MAML1: variants seen among roughly 807,000 people sequenced by gnomAD.
The protein encoded by MAML1 is mastermind like transcriptional coactivator 1, also known as mastermind-like protein 1.
In MAML1, 14 loss-of-function variants were observed where a neutral mutation model predicts 77.1. The observed-to-expected ratio is 0.18, with a 90% confidence interval of 0.12 to 0.28. MAML1 has a LOEUF of 0.28. Among genes scored for constraint, MAML1 ranks in the 10% least tolerant of loss-of-function variants. The probability of loss-of-function intolerance (pLI) is 1.00; values close to 1 mark genes in which losing one functional copy is unlikely to be tolerated. For missense variants in MAML1, 1,217 were observed against 1,327.8 expected, an observed-to-expected ratio of 0.92 and a Z score of 1.30; for synonymous variants, 516 against 551.9, an observed-to-expected ratio of 0.93 and a Z score of 0.91.
intron 1 of MAML1, among the ~76,000 whole-genome samples, chr5:179,747,808 C>CAAGA (rs1779409625): frequency 4.9e-5 from 2 of 40,894 alleles, no homozygotes; most frequent in South Asian, 1.6e-3. Flanking sequence ...GACTCCATCT[C>CAAGA]AAAAAAAAAA....
At position 179,774,542 on chromosome 5, in the gene MAML1, G is replaced by A. The variant is rs1756089850; in HGVS notation, c.2716G>A (p.Val906Met). The change falls in exon 5 of 5, where the codon GTG becomes ATG. Residue 906 changes from valine (V) to methionine (M), a missense_variant. Coordinates refer to ENST00000292599, the MANE Select transcript of MAML1 (RefSeq NM_014757.5). ...AAAVGSLLPP[V>M]SAQQRTSAPA... The stretch of plus-strand genomic sequence containing the variant: ...TGCCGTGGGGTCCTTGCTACCCCCA[G>A]TGAGTGCACAGCAGAGGACCAGCGC... 1 of 1,612,940 alleles carries A rather than the reference G, an allele frequency of 6.2e-7. No individual in the cohort carries two copies. Among genetic ancestry groups the A allele is most frequent in the Non-Finnish European group, 8.5e-7 (1 of 1,179,998 alleles).
intron 1 of MAML1, among the ~76,000 whole-genome samples, chr5:179,742,425 G>A (rs942937269): frequency 1.4e-4 from 21 of 151,928 alleles, no homozygotes; most frequent in African/African-American, 4.8e-4. Flanking sequence ...GGCACCGGAG[G>A]TTGCAGTGAG....
intron 1 of MAML1, among the ~76,000 whole-genome samples, chr5:179,735,875 A>G (rs1488488850): frequency 6.7e-6 from 1 of 150,266 alleles, no homozygotes; most frequent in African/African-American, 2.5e-5. Flanking sequence ...TTTAGTAGAG[A>G]CAGGGTTTCT....
At chr5:179,740,431 C>T (rs576969004) in intron 1 of MAML1, among the ~76,000 whole-genome samples, 11 of 152,174 alleles carry the variant, frequency 7.2e-5, no homozygotes, top group East Asian at 3.9e-4. Context: ...CCACCACACC[C>T]GGCTAATTTT....
rs1394149346 is a variant in MAML1, at chr5:179,766,914, A to G, written c.1731+173A>G. Among the ~76,000 whole-genome samples, 1 of 152,208 alleles carries G rather than the reference A, an allele frequency of 6.6e-6. No individual in the cohort carries two copies. ...AAATTTATAAAATAAACCAGGGTTG[A>G]TTGTTAATAAAAAATAGGGTAAAGT... On this transcript the variant is annotated intron_variant, in intron 2 of 4. Coordinates refer to ENST00000292599, the MANE Select transcript of MAML1 (RefSeq NM_014757.5). The surrounding 1 kb of genome is among the most constrained non-coding windows in gnomAD (Gnocchi z 4.0).
In MAML1 at chr5:179,765,388, A is replaced by G. The variant is rs1167953303; in HGVS notation, c.378A>G (p.Gln126=). 10 of 1,613,524 alleles carry G rather than the reference A, an allele frequency of 6.2e-6. No individual in the cohort carries two copies. The highest frequency in any genetic ancestry group is 1.7e-5 in the Admixed American group (1 of 59,820). ...CCACTTCCCCTCAGAATGGCGATCAACAGAATGGCTACGGGGACCTCTTTC... is the reference window on the plus strand; with the variant it reads ...CCACTTCCCCTCAGAATGGCGATCAGCAGAATGGCTACGGGGACCTCTTTC... ...DSATSPQNGD[Q]QNGYGDLFPG... Residue 126 remains glutamine, a synonymous_variant, in exon 2 of 5, where the codon CAA becomes CAG. Coordinates refer to ENST00000292599, the MANE Select transcript of MAML1 (RefSeq NM_014757.5).
chr5:179,776,637 C>T lies in MAML1; in HGVS notation c.*1760C>T. 2 of 985,710 alleles carry T rather than the reference C, an allele frequency of 2.0e-6. No individual in the cohort carries two copies. Among genetic ancestry groups the T allele is most frequent in the Non-Finnish European group, 2.4e-6 (2 of 829,960 alleles). 61.1% of individuals were successfully genotyped at this position (985,710 alleles called of 1,614,324 possible). ...AGAGGGTGACCTCAGCGGCTTTTCT[C>T]CCAAAAATCGGCTGAAGGCTGGTTG... On this transcript the variant is annotated 3_prime_UTR_variant, in exon 5 of 5. Coordinates refer to ENST00000292599, the MANE Select transcript of MAML1 (RefSeq NM_014757.5).
chr5:179,773,071 G>A (rs551891165), intron 4 of MAML1, among the ~76,000 whole-genome samples: 16 of 152,328 alleles, frequency 1.1e-4, no homozygotes, highest in South Asian at 4.1e-4. Flanking sequence ...TTTTAGTAGA[G>A]ACAGGGTTTC....
intron 1 of MAML1, among the ~76,000 whole-genome samples, chr5:179,734,028 G>T (rs180735299): frequency 3.2e-3 from 492 of 152,318 alleles, no homozygotes; most frequent in Non-Finnish European, 5.1e-3. Context: ...CTGCAATATT[G>T]TTGACAATTC....
rs1013993660 is a variant in MAML1 at position 179,776,731 on chromosome 5, G to A, written c.*1854G>A. 3.9e-5 allele frequency: 38 copies of A among 985,916 alleles called. No individual in the cohort carries two copies. The highest frequency in any genetic ancestry group is 1.6e-4 in the African/African-American group (9 of 57,368). 61.1% of individuals were successfully genotyped at this position (985,916 alleles called of 1,614,324 possible). ...TCTCCCACCCCTGTCCCCGGGGCTC[G>A]CTGGCCCTGCACTCCGCCTTAGTCC... On this transcript the variant is annotated 3_prime_UTR_variant, in exon 5 of 5. Coordinates refer to ENST00000292599, the MANE Select transcript of MAML1 (RefSeq NM_014757.5).
intron 1 of MAML1, among the ~76,000 whole-genome samples, chr5:179,740,667 GCT>G (rs892268132): frequency 6.6e-6 from 1 of 152,074 alleles, no homozygotes; most frequent in African/African-American, 2.4e-5. Flanking sequence ...AGCTTTTGTA[GCT>G]CTCTAGATGC....
chr5:179,765,233 C>A, intron 1 of MAML1, 93 bp from the exon 2 acceptor site: 1 of 1,078,988 alleles, frequency 9.3e-7, no homozygotes, highest in Non-Finnish European at 1.4e-6. Context: ...AACCCACTGG[C>A]GAGCATTGCA....
chr5:179,762,341 C>T (rs1295093418), intron 1 of MAML1, among the ~76,000 whole-genome samples: 1 of 152,086 alleles, frequency 6.6e-6, no homozygotes, highest in East Asian at 1.9e-4. Flanking sequence ...TATCCTGGAG[C>T]TCCTCTCCCA....
At chr5:179,757,790 G>A (rs930942872) in intron 1 of MAML1, among the ~76,000 whole-genome samples, 5 of 152,160 alleles carry the variant, frequency 3.3e-5, no homozygotes, top group Admixed American at 3.3e-4. Flanking sequence ...TGCCTGCCAA[G>A]CACAAGAATC....
At chr5:179,758,191 C>T (rs960744540) in intron 1 of MAML1, among the ~76,000 whole-genome samples, 1 of 152,186 alleles carries the variant, frequency 6.6e-6, no homozygotes, top group Admixed American at 6.5e-5. Context: ...CTGGAACTTA[C>T]CTTCTCTATG....
At position 179,769,073 on chromosome 5, in the gene MAML1, A is replaced by G. The variant is rs1755905918; in HGVS notation, c.1955A>G (p.His652Arg). 6.2e-7 allele frequency: 1 copy of G among 1,614,200 alleles called. No homozygotes were observed. ...CAGCAGTTCCTTCAGAGGCAACAGC[A>G]CCTTCTCGCGGAACAGGTAAAAAGA... ...QQQQFLQRQQHLLAEQEKQQF... is the reference protein window; with the variant it reads ...QQQQFLQRQQRLLAEQEKQQF... The change falls in exon 3 of 5, where the codon CAC (histidine) becomes CGC (arginine). Residue 652 changes from histidine (H) to arginine (R), a missense_variant. Physicochemically the swap from His to Arg is conservative, Grantham distance 29 (BLOSUM62 0). Coordinates refer to ENST00000292599, the MANE Select transcript of MAML1 (RefSeq NM_014757.5). The surrounding 1 kb of genome is among the most constrained non-coding windows in gnomAD (Gnocchi z 4.2).
chr5:179,766,668 A>G lies in MAML1; in HGVS notation c.1658A>G (p.Glu553Gly). 6.2e-7 allele frequency: 1 copy of G among 1,604,728 alleles called. No homozygotes were observed. Among genetic ancestry groups the G allele is most frequent in the Non-Finnish European group, 8.5e-7 (1 of 1,175,114 alleles). Residue 553 changes from glutamate to glycine, a missense_variant, in exon 2 of 5, where the codon GAG becomes GGG. Coordinates refer to ENST00000292599, the MANE Select transcript of MAML1 (RefSeq NM_014757.5). The surrounding 1 kb of genome is among the most constrained non-coding windows in gnomAD (Gnocchi z 4.0). ...CAGCAGCTGTCCCATATAAGTCACG[A>G]GCAGAACTCCCTGTTTCTGATGAAG... is the stretch of plus-strand genomic sequence containing the variant. ...LPQQLSHISH[E>G]QNSLFLMKPK...
intron 1 of MAML1, among the ~76,000 whole-genome samples, chr5:179,735,613 A>G (rs1463739110): frequency 6.6e-6 from 1 of 151,472 alleles, no homozygotes; most frequent in Non-Finnish European, 1.5e-5. Context: ...CTGGTCTCGA[A>G]CTCCTGACCT....
chr5:179,762,484 C>A (rs973060862), intron 1 of MAML1, among the ~76,000 whole-genome samples: 1 of 152,102 alleles, frequency 6.6e-6, no homozygotes, highest in African/African-American at 2.4e-5. Context: ...CAGCCGACCA[C>A]GAGCATCTGA....
Sources: allele counts gnomAD v4.1 joint callset (sites outside exome capture counted in the v4.1 genomes callset), GRCh38; gene constraint gnomAD v4.1.1; non-coding constraint Gnocchi (gnomAD v3.1); transcripts MANE v1.5; gene names NCBI Gene and HGNC (gene_info 2026-07-23, HGNC 2026-07-21).